TBC1D19: variants seen among roughly 807,000 people sequenced by gnomAD.
TBC1D19 encodes TBC1 domain family, member 19.
In TBC1D19, 60 loss-of-function variants were observed where a neutral mutation model predicts 89.0. That is an observed-to-expected ratio of 0.67 (90% CI 0.55 to 0.84). TBC1D19 has a LOEUF of 0.84. Among genes scored for constraint, TBC1D19 ranks in the 40% least tolerant of loss-of-function variants. The pLI, the probability that TBC1D19 is intolerant of heterozygous loss-of-function variation, is 0.00. For missense variants in TBC1D19, 500 were observed against 610.8 expected, an observed-to-expected ratio of 0.82 and a Z score of 1.91; for synonymous variants, 189 against 199.7, an observed-to-expected ratio of 0.95 and a Z score of 0.45.
chr4:26,779,534 T>C, the TBC1D19 span, among the ~76,000 whole-genome samples: 1 of 152,232 alleles, frequency 6.6e-6, no homozygotes, highest in South Asian at 2.1e-4. Flanking sequence ...CTTCTCTTTC[T>C]TTTCCCTGGG....
At chr4:26,806,910 C>T in the TBC1D19 span, among the ~76,000 whole-genome samples, 3 of 152,132 alleles carry the variant, frequency 2.0e-5, no homozygotes, top group East Asian at 1.9e-4. Flanking sequence ...AAGGAAGGGT[C>T]GTCTCCTAGA....
intron 13 of TBC1D19, among the ~76,000 whole-genome samples, chr4:26,703,258 C>T (rs1254802929): frequency 1.3e-5 from 2 of 152,052 alleles, no homozygotes; most frequent in Non-Finnish European, 2.9e-5. Flanking sequence ...TTTAATTATT[C>T]ATTTTACAAT....
At chr4:26,692,203 T>A (rs1714351070) in intron 13 of TBC1D19, among the ~76,000 whole-genome samples, 1 of 152,072 alleles carries the variant, frequency 6.6e-6, no homozygotes, top group Admixed American at 6.6e-5. Flanking sequence ...TTACAATATC[T>A]CCACAGGAGG....
At chr4:26,800,169 C>G in the TBC1D19 span, among the ~76,000 whole-genome samples, 2 of 152,160 alleles carry the variant, frequency 1.3e-5, no homozygotes, top group Non-Finnish European at 2.9e-5. Context: ...CCCCACCCCA[C>G]AACAGTCCCT....
chr4:26,618,304 T>G (rs1226088961), intron 3 of TBC1D19, among the ~76,000 whole-genome samples: 8 of 152,142 alleles, frequency 5.3e-5, no homozygotes, highest in Non-Finnish European at 1.0e-4. Context: ...TTTGGGGATG[T>G]CATGGTGGCT....
At chr4:26,581,195 G>C (rs1045484424), upstream of TBC1D19, among the ~76,000 whole-genome samples, 5 of 152,100 alleles carry the variant, frequency 3.3e-5, no homozygotes, top group Non-Finnish European at 7.4e-5. Flanking sequence ...GTACAGTAAG[G>C]ATTTTCTTTT....
At chr4:26,713,157 A>G (rs1417562039) in intron 13 of TBC1D19, among the ~76,000 whole-genome samples, 1 of 152,034 alleles carries the variant, frequency 6.6e-6, no homozygotes, top group Non-Finnish European at 1.5e-5. Flanking sequence ...TCACATGATT[A>G]TCTTAATAGA....
chr4:26,581,796 C>A (rs374687991), upstream of TBC1D19, among the ~76,000 whole-genome samples: 1 of 152,150 alleles, frequency 6.6e-6, no homozygotes. Flanking sequence ...AAAGAAAGGA[C>A]CATTTCTTAC....
chr4:26,586,170 G>GTTTTTT lies in TBC1D19; in HGVS notation c.99+1878_99+1879insTTTTTT, dbSNP rs1560396710. ...AATTATTGTATATGGTGCAAGGTAA[G>GTTTTTT]CTTTTTTTTTTTTTTTTTTGCATAT... On this transcript the variant is annotated intron_variant, in intron 1 of 20. Transcript: ENST00000264866. Among the ~76,000 whole-genome samples, 6 of 135,150 alleles carry GTTTTTT rather than the reference G, an allele frequency of 4.4e-5. 1 individual carries two copies. Among genetic ancestry groups the GTTTTTT allele is most frequent in the Non-Finnish European group, 1.5e-5 (1 of 64,774 alleles). 88.7% of individuals were successfully genotyped at this position (135,150 alleles called of 152,430 possible).
At chr4:26,629,618 C>T (rs1481866865) in intron 4 of TBC1D19, among the ~76,000 whole-genome samples, 1 of 151,916 alleles carries the variant, frequency 6.6e-6, no homozygotes, top group Non-Finnish European at 1.5e-5. Context: ...GAATCAGAAA[C>T]ACAGAAACTT....
chr4:26,741,706 A>G (rs1718388820), intron 17 of TBC1D19, among the ~76,000 whole-genome samples: 1 of 151,380 alleles, frequency 6.6e-6, no homozygotes, highest in Non-Finnish European at 1.5e-5. Context: ...AGACTGAACT[A>G]TTTGGAACCA....
At position 26,667,975 on chromosome 4, in the gene TBC1D19, G is replaced by A. The variant is rs182430637; in HGVS notation, c.664+1570G>A. Among the ~76,000 whole-genome samples, 9 of 151,988 alleles carry A rather than the reference G, an allele frequency of 5.9e-5. No homozygotes were observed. The East Asian group carries it at 1.5e-3, about 26-fold the overall frequency. On this transcript the variant is annotated intron_variant, in intron 9 of 20. Coordinates refer to ENST00000264866, the MANE Select transcript of TBC1D19 (RefSeq NM_018317.4). Reference sequence around the variant, plus strand: ...TTTTAATTTTCTTATATAATGTGATGTAGGATTATTATCTCCATATTAAAG... The same window carrying A: ...TTTTAATTTTCTTATATAATGTGATATAGGATTATTATCTCCATATTAAAG...
rs1578024130 is a variant in TBC1D19 at position 26,755,907 on chromosome 4, T to G, written c.*960T>G. On this transcript the variant is annotated 3_prime_UTR_variant, in exon 21 of 21. Transcript: ENST00000264866. The stretch of plus-strand genomic sequence containing the variant: ...TTATTATAAGTGAAGGGTCTTATTT[T>G]GTATTACTTCCTAAAGACCTACCAT... Among the ~76,000 whole-genome samples, 1 of 152,220 alleles carries G rather than the reference T, an allele frequency of 6.6e-6. No individual in the cohort carries two copies. The highest frequency in any genetic ancestry group is 1.9e-4 in the East Asian group (1 of 5,196).
At position 26,730,408 on chromosome 4, in the gene TBC1D19, T is replaced by C. The variant is rs146999599; in HGVS notation, c.1085-5047T>C. Reference sequence around the variant, plus strand: ...CAAATATTGTGCTAATCATATTGCATATATTATAATATTTAATCCTCACCA... The same window carrying C: ...CAAATATTGTGCTAATCATATTGCACATATTATAATATTTAATCCTCACCA... On this transcript the variant is annotated intron_variant, in intron 15 of 20. Coordinates refer to ENST00000264866, the MANE Select transcript of TBC1D19 (RefSeq NM_018317.4). 5.3e-5 allele frequency among the ~76,000 whole-genome samples: 8 copies of C among 152,346 alleles called. No homozygotes were observed. The East Asian group carries it at 1.5e-3, about 29-fold the overall frequency.
At chr4:26,775,207 T>C in the TBC1D19 span, among the ~76,000 whole-genome samples, 1 of 152,198 alleles carries the variant, frequency 6.6e-6, no homozygotes, top group African/African-American at 2.4e-5. Context: ...ATCCCAGCAC[T>C]TTGGAAGGCT....
At position 26,640,131 on chromosome 4, in the gene TBC1D19, C is replaced by G; in HGVS notation, c.434-10C>G. ...AGCTGAAATTTTGTTTATAATCTATCTTATTCTAGATTTAAGCCTTTTCAG... is the reference window on the plus strand; with the variant it reads ...AGCTGAAATTTTGTTTATAATCTATGTTATTCTAGATTTAAGCCTTTTCAG... On this transcript the variant is annotated splice_polypyrimidine_tract_variant and intron_variant, in intron 6 of 20. Transcript: ENST00000264866. The G allele has an allele frequency of 6.3e-7, 1 of 1,593,586 alleles. No individual in the cohort carries two copies. The highest frequency in any genetic ancestry group is 8.6e-7 in the Non-Finnish European group (1 of 1,165,548).
chr4:26,640,418 A>G (rs1283916633), intron 7 of TBC1D19, among the ~76,000 whole-genome samples: 1 of 152,214 alleles, frequency 6.6e-6, no homozygotes, highest in Non-Finnish European at 1.5e-5. Context: ...ATTAAAAAAT[A>G]GTAACTGTAG....
chr4:26,688,459 C>T (rs751145050), intron 13 of TBC1D19, 52 bp downstream of exon 13: 18 of 1,454,086 alleles, frequency 1.2e-5, no homozygotes, highest in Middle Eastern at 2.3e-4. Context: ...TTCTCTATAT[C>T]ATGATACTTT....
At chr4:26,743,281 A>C (rs1448040376) in intron 18 of TBC1D19, among the ~76,000 whole-genome samples, 1 of 152,122 alleles carries the variant, frequency 6.6e-6, no homozygotes, top group Non-Finnish European at 1.5e-5. Context: ...ATTTGAAAAA[A>C]GTATTAACTC....
Sources: gnomAD v4.1 joint callset for allele counts (sites outside exome capture counted in the v4.1 genomes callset) on GRCh38, gnomAD v4.1.1 for gene constraint, MANE v1.5 for transcripts, NCBI Gene and HGNC (gene_info 2026-07-23, HGNC 2026-07-21) for gene names.